The following ZNF536 variants were observed in gnomAD, a reference collection of about 807,000 sequenced individuals.
ZNF536 encodes zinc finger protein 536.
ZNF536 carries 13 observed loss-of-function variants against 84.5 expected under a neutral mutation model. That is an observed-to-expected ratio of 0.15 (90% CI 0.10 to 0.24). The LOEUF (loss-of-function observed/expected upper bound fraction) is 0.24, where lower values mean the gene tolerates loss of function less well. Among genes scored for constraint, ZNF536 ranks in the 10% least tolerant of loss-of-function variants. ZNF536 has a pLI of 1.00. For synonymous variants in ZNF536, 811 were observed against 742.5 expected (o/e 1.09, Z -1.50); for missense variants, 1,536 against 1,747.5 (o/e 0.88, Z 2.16).
At chr19:30,506,128 A>G (rs574051754) in intron 2 of ZNF536, among the ~76,000 whole-genome samples, 13 of 152,122 alleles carry the variant, frequency 8.5e-5, no homozygotes, top group Admixed American at 2.6e-4. Flanking sequence ...TTTATGGAAA[A>G]TGAATATGGA....
chr19:30,419,297 T>A (rs2050857880), intron 1 of ZNF536, among the ~76,000 whole-genome samples: 1 of 152,204 alleles, frequency 6.6e-6, no homozygotes, highest in South Asian at 2.1e-4. Context: ...TGAGTGTTTT[T>A]CTCACTATAA....
chr19:30,238,957 G>C (rs2023743686), intron 1 of ZNF536, among the ~76,000 whole-genome samples: 1 of 152,150 alleles, frequency 6.6e-6, no homozygotes, highest in African/African-American at 2.4e-5. Context: ...AAATTAATGA[G>C]TTGAACCTGT....
downstream of ZNF536, among the ~76,000 whole-genome samples, chr19:30,562,245 C>T (rs538586406): frequency 6.6e-6 from 1 of 152,202 alleles, no homozygotes; most frequent in South Asian, 2.1e-4. Context: ...TCCTCCGGAC[C>T]CTGTCAGTCC....
rs559713621 is a variant in ZNF536 at position 30,409,200 on chromosome 19, G to A, written c.-2-34361G>A. Among the ~76,000 whole-genome samples, 15 of 152,302 alleles carry A rather than the reference G, an allele frequency of 9.8e-5. No homozygotes were observed. The South Asian group carries it at 2.9e-3, about 29-fold the overall frequency. On this transcript the variant is annotated intron_variant, in intron 1 of 4. Coordinates refer to ENST00000355537, the MANE Select transcript of ZNF536 (RefSeq NM_014717.3). ...ATTCATCTCTGGTATGTAGAATGGT[G>A]TCTGGCATAGAGTAGTTGCTCAATA...
intron 1 of ZNF536, among the ~76,000 whole-genome samples, chr19:30,658,652 T>C (rs1248784036): frequency 6.6e-6 from 1 of 152,184 alleles, no homozygotes; most frequent in Non-Finnish European, 1.5e-5. Flanking sequence ...TGTTATTCCC[T>C]CTGTGGGTCC....
chr19:30,409,315 G>A (rs1225694851), intron 1 of ZNF536, among the ~76,000 whole-genome samples: 3 of 152,134 alleles, frequency 2.0e-5, no homozygotes, highest in Non-Finnish European at 4.4e-5. Context: ...GTCTGCAGCA[G>A]GCCTATGAGA....
intron 1 of ZNF536, among the ~76,000 whole-genome samples, chr19:30,619,342 C>T (rs755871991): frequency 6.6e-5 from 10 of 152,104 alleles, no homozygotes; most frequent in Non-Finnish European, 1.3e-4. Flanking sequence ...CATTTGCTAC[C>T]TAATTTGAGA....
At chr19:30,553,181 A>C (rs144140989) in intron 4 of ZNF536, among the ~76,000 whole-genome samples, 5 of 152,336 alleles carry the variant, frequency 3.3e-5, no homozygotes, top group African/African-American at 1.2e-4. Context: ...CCACATGAGT[A>C]TTTAAAGGTG....
chr19:30,447,063 G>A (rs1401223810), intron 2 of ZNF536, among the ~76,000 whole-genome samples: 1 of 152,206 alleles, frequency 6.6e-6, no homozygotes, highest in Non-Finnish European at 1.5e-5. Flanking sequence ...TGGCAACATT[G>A]ATTTCTGCAA....
rs1416736166 is a variant in ZNF536 at position 30,264,962 on chromosome 19, T to TGAGA, written c.-189-19109_-189-19108insAGAG. The stretch of plus-strand genomic sequence containing the variant: ...GTGTGTGTGTGTGTGTGTGTGTGTG[T>TGAGA]GTGTGAGAGAGAGAGAGAGAAAGAG... On this transcript the variant is annotated intron_variant, in intron 1 of 5. Transcript: ENST00000585628. 3.1e-3 allele frequency among the ~76,000 whole-genome samples: 260 copies of TGAGA among 83,554 alleles called. 1 individual carries two copies. The highest frequency in any genetic ancestry group is 0.016 in the African/African-American group (239 of 15,014). 54.8% of individuals were successfully genotyped at this position (83,554 alleles called of 152,430 possible). A position where few individuals can be genotyped will look rare whatever the true frequency, so the allele number is the denominator to read the frequency against.
chr19:30,377,570 A>G (rs1331973406), intron 1 of ZNF536, among the ~76,000 whole-genome samples: 1 of 152,136 alleles, frequency 6.6e-6, no homozygotes, highest in Non-Finnish European at 1.5e-5. Flanking sequence ...GAATGAGTCC[A>G]CCCTAGGTCC....
chr19:30,484,808 T>C (rs924792792), intron 2 of ZNF536, among the ~76,000 whole-genome samples: 1 of 151,994 alleles, frequency 6.6e-6, no homozygotes, highest in Admixed American at 6.6e-5. Context: ...GTTATAAGGA[T>C]TAATTACTTT....
chr19:30,322,914 T>C (rs2046904477), intron 2 of ZNF536, among the ~76,000 whole-genome samples: 1 of 152,092 alleles, frequency 6.6e-6, no homozygotes, highest in South Asian at 2.1e-4. Context: ...ATGGGAGAGA[T>C]TTGCTGAGGC....
At chr19:30,712,934 G>GAAAAAAAAAAAAAAA (rs11329428) in exon 2 of ZNF536, 1 of 140,574 alleles carries the variant, frequency 7.1e-6, no homozygotes, top group Non-Finnish European at 1.5e-5. Flanking sequence ...AATAAAAAAA[G>GAAAAAAAAAAAAAAA]AAAAAAAAAA....
intron 1 of ZNF536, among the ~76,000 whole-genome samples, chr19:30,258,317 CGTGAGAAAA>C (rs2025019004): frequency 6.6e-6 from 1 of 152,170 alleles, no homozygotes; most frequent in Non-Finnish European, 1.5e-5. Context: ...TCTTGTTAAA[CGTGAGAAAA>C]GTAGGAGCTT....
chr19:30,421,244 T>C (rs1384811776), intron 1 of ZNF536, among the ~76,000 whole-genome samples: 2 of 152,138 alleles, frequency 1.3e-5, no homozygotes, highest in Non-Finnish European at 2.9e-5. Flanking sequence ...ACTCCATCGG[T>C]TCCCATTTAT....
intron 2 of ZNF536, among the ~76,000 whole-genome samples, chr19:30,470,884 CACCATGT>C (rs1232310900): frequency 1.3e-5 from 2 of 151,838 alleles, no homozygotes; most frequent in Non-Finnish European, 2.9e-5. Context: ...GATGGGGTTT[CACCATGT>C]TGTCCAAACT....
intron 1 of ZNF536, among the ~76,000 whole-genome samples, chr19:30,704,488 A>T (rs1485517116): frequency 6.6e-6 from 1 of 151,924 alleles, no homozygotes; most frequent in Non-Finnish European, 1.5e-5. Flanking sequence ...CTCTATTAAA[A>T]ATACAAAAAT....
intron 1 of ZNF536, among the ~76,000 whole-genome samples, chr19:30,260,883 C>T (rs551105463): frequency 1.1e-4 from 16 of 152,328 alleles, no homozygotes; most frequent in African/African-American, 3.8e-4. Flanking sequence ...ACCCCCTGGC[C>T]CATCCCATTG....
Sources: gnomAD v4.1 joint callset for allele counts (sites outside exome capture counted in the v4.1 genomes callset) on GRCh38, gnomAD v4.1.1 for gene constraint, MANE v1.5 for transcripts, NCBI Gene and HGNC (gene_info 2026-07-23, HGNC 2026-07-21) for gene names.